Variants in ZNF587 observed in about 807,000 individuals in gnomAD.
ZNF587 encodes the protein zinc finger protein zfp6.
In ZNF587, 8 loss-of-function variants were observed where a neutral mutation model predicts 7.5. The ratio of observed to expected loss-of-function variants is 1.06; its 90% CI spans 0.62 to 1.92. ZNF587 has a LOEUF of 1.92. ZNF587 is among the 40% of genes most tolerant of loss of function. The pLI is 0.00. For synonymous variants in ZNF587, 145 were observed against 237.8 expected (o/e 0.61, Z 3.59); for missense variants, 468 against 692.8 (o/e 0.68, Z 3.64).
chr19:57,857,933 G>A (rs2071384148), intron 2 of ZNF587, among the ~76,000 whole-genome samples: 1 of 151,650 alleles, frequency 6.6e-6, no homozygotes, highest in Non-Finnish European at 1.5e-5. Flanking sequence ...ACCGTGCCCG[G>A]CCCATATTCT....
At chr19:57,850,097 C>G (rs757636292) in intron 1 of ZNF587, 26 bp downstream of exon 1, 1 of 1,614,136 alleles carries the variant, frequency 6.2e-7, no homozygotes, top group Non-Finnish European at 8.5e-7. Context: ...TCTGTGCCCT[C>G]AGGTCACCCC....
rs926400425 is a variant in ZNF587, at chr19:57,862,629, C to A, written c.*2489C>A. On this transcript the variant is annotated 3_prime_UTR_variant, in exon 3 of 3. Coordinates refer to ENST00000339656, the MANE Select transcript of ZNF587 (RefSeq NM_032828.4). ...GGTCACATGCCCATTTCCCCACTTG[C>A]ATGAATGTCGACACTGCAGCCACAG... 1.3e-5 allele frequency: 2 copies of A among 154,878 alleles called. No homozygotes were observed. The highest frequency in any genetic ancestry group is 6.5e-5 in the Admixed American group (1 of 15,276). The allele number at this position is 154,878 out of a possible 1,614,324, so 9.6% of individuals were successfully genotyped here.
intron 1 of ZNF587, chr19:57,850,550 C>T: frequency 2.3e-6 from 1 of 432,120 alleles, no homozygotes; most frequent in Non-Finnish European, 4.1e-6. Context: ...GCTGATCCAT[C>T]CAGTGCAGGA....
In ZNF587 at chr19:57,856,257, G is replaced by C. The variant is rs962814639; in HGVS notation, c.163+24G>C. The C allele has an allele frequency of 3.9e-6, 6 of 1,555,018 alleles. No individual in the cohort carries two copies. In the African/African-American group the frequency reaches 8.2e-5, roughly 21 times the overall value. ...GGGTAAGTTGCTCACGCTCACCTTT[G>C]TGACCTGAGCTAGTGTTACTGTTCC... On this transcript the variant is annotated intron_variant, in intron 2 of 2. Coordinates refer to ENST00000339656, the MANE Select transcript of ZNF587 (RefSeq NM_032828.4).
At chr19:57,852,008 T>C (rs2071287046) in intron 1 of ZNF587, 2 of 245,930 alleles carry the variant, frequency 8.1e-6, no homozygotes, top group Admixed American at 1.1e-4. Context: ...TGTCTGCCTT[T>C]CCCCTCAGGC....
chr19:57,851,805 T>A (rs1249765784), intron 1 of ZNF587: 1 of 152,246 alleles, frequency 6.6e-6, no homozygotes, highest in Non-Finnish European at 1.5e-5. Flanking sequence ...AGGAAGAACA[T>A]CATAGAGAGA....
At chr19:57,854,286 G>T (rs3855666) in intron 1 of ZNF587, among the ~76,000 whole-genome samples, 4,698 of 150,576 alleles carry the variant, frequency 0.031, 233 homozygotes, top group African/African-American at 0.1. Context: ...GTGAAATAGG[G>T]CCATGGCTAT....
intron 1 of ZNF587, among the ~76,000 whole-genome samples, chr19:57,852,575 G>A (rs1274626605): frequency 4.1e-5 from 6 of 145,522 alleles, no homozygotes; most frequent in Middle Eastern, 3.5e-3. Context: ...TGCCCAGGCT[G>A]GAGTGCAATG....
rs1292194652 is a variant in ZNF587, at chr19:57,864,359, C to T, written c.*4219C>T. On this transcript the variant is annotated 3_prime_UTR_variant, in exon 3 of 3. Transcript: ENST00000339656. ...ACGTTAGCCAGGCTGGTCTCAAACT[C>T]CTGACCTCATGATCCACCCCCCTCG... The T allele has an allele frequency of 1.3e-4, 19 of 151,728 alleles. No homozygotes were observed. The highest frequency in any genetic ancestry group is 7.8e-4 in the East Asian group (4 of 5,114). The allele number at this position is 151,728 out of a possible 1,614,324, so 9.4% of individuals were successfully genotyped here.
chr19:57,864,516 A>G lies in ZNF587; in HGVS notation c.*4376A>G, dbSNP rs540327528. ...AAATGTGAATAAGATTGTAAGTTAC[A>G]AATAGCAAGGTACAGTCAGATGTTA... On this transcript the variant is annotated 3_prime_UTR_variant, in exon 3 of 3. Coordinates refer to ENST00000339656, the MANE Select transcript of ZNF587 (RefSeq NM_032828.4). 6.6e-6 allele frequency: 1 copy of G among 152,200 alleles called. No individual in the cohort carries two copies. Among genetic ancestry groups the G allele is most frequent in the East Asian group, 1.9e-4 (1 of 5,176 alleles). The allele number at this position is 152,200 out of a possible 1,614,324, so 9.4% of individuals were successfully genotyped here.
intron 2 of ZNF587, 152 bp downstream of exon 2, chr19:57,856,385 G>GT: frequency 7.8e-7 from 1 of 1,276,794 alleles, no homozygotes; most frequent in Non-Finnish European, 1.0e-6. Context: ...GGAGTAAGGT[G>GT]TGTGTATTGC....
In ZNF587 at chr19:57,860,429, CA is replaced by C. The variant is rs903100931; in HGVS notation, c.*290del. The C allele has an allele frequency of 2.2e-6, 1 of 463,130 alleles. No homozygotes were observed. The highest frequency in any genetic ancestry group is 2.0e-5 in the African/African-American group (1 of 51,036). 28.7% of individuals were successfully genotyped at this position (463,130 alleles called of 1,614,324 possible). A position where few individuals can be genotyped will look rare whatever the true frequency, so the allele number is the denominator to read the frequency against. Reference sequence around the variant, plus strand: ...GATTATGAGTACACACCACCACGCCCAGCTAATTTTTGTGTTTTTAGTGGAG... The same window carrying C: ...GATTATGAGTACACACCACCACGCCCGCTAATTTTTGTGTTTTTAGTGGAG... On this transcript the variant is annotated 3_prime_UTR_variant, in exon 3 of 3. Transcript: ENST00000339656.
chr19:57,858,988 A>G lies in ZNF587; in HGVS notation c.576A>G (p.Val192=), dbSNP rs146198718. ...GATTGTGCCAAGAAGAAGCTGCTGT[A>G]GAGAAGACAGACAGTGAAACTATGC... is the stretch of plus-strand genomic sequence containing the variant. ...SSGLCQEEAA[V]EKTDSETMHG... The change falls in exon 3 of 3, where the codon GTA becomes GTG. Residue 192 remains valine, a synonymous_variant. Coordinates refer to ENST00000339656, the MANE Select transcript of ZNF587 (RefSeq NM_032828.4). 4.3e-6 allele frequency: 7 copies of G among 1,612,618 alleles called. No homozygotes were observed. The highest frequency in any genetic ancestry group is 4.0e-5 in the African/African-American group (3 of 74,142).
chr19:57,859,329 G>C lies in ZNF587; in HGVS notation c.917G>C (p.Ser306Thr). 6.2e-7 allele frequency: 1 copy of C among 1,605,146 alleles called. No individual in the cohort carries two copies. Among genetic ancestry groups the C allele is most frequent in the Non-Finnish European group, 8.5e-7 (1 of 1,177,006 alleles). The change falls in exon 3 of 3, where the codon AGT becomes ACT. Residue 306 changes from serine (S) to threonine (T), a missense_variant. Physicochemically the swap from Ser to Thr is moderately conservative, Grantham distance 58. Around this residue, in one of 5 missense-constraint regions of ZNF587, gnomAD observed 310 missense variants for 325.6 expected, o/e 0.95. Coordinates refer to ENST00000339656, the MANE Select transcript of ZNF587 (RefSeq NM_032828.4). ...TGTGAGGAGTGCGGGAAATCTTTTA[G>C]TCAGAAGGGCAGCCTTATTAGCCAT... Reference protein sequence around the residue: ...YPCEECGKSFSQKGSLISHQL... With the variant: ...YPCEECGKSFTQKGSLISHQL...
chr19:57,860,728 A>G lies in ZNF587; in HGVS notation c.*588A>G, dbSNP rs2071422709. 1 of 154,768 alleles carries G rather than the reference A, an allele frequency of 6.5e-6. No homozygotes were observed. The highest frequency in any genetic ancestry group is 1.4e-5 in the Non-Finnish European group (1 of 69,796). 9.6% of individuals were successfully genotyped at this position (154,768 alleles called of 1,614,324 possible). The stretch of plus-strand genomic sequence containing the variant: ...CCAGACCTCCTCTCTACAAAAAGAA[A>G]AAAGAATGACATGCTTCTTGTTTTT... On this transcript the variant is annotated 3_prime_UTR_variant, in exon 3 of 3. Transcript: ENST00000339656.
Position 57,861,777 on chromosome 19 carries a change from T to C in ZNF587, c.*1637T>C, listed in dbSNP as rs2071436190. On this transcript the variant is annotated 3_prime_UTR_variant, in exon 3 of 3. Transcript: ENST00000339656. ...CTGCAAGGAATATTTGGTTTTCTTT[T>C]TTTTTTTTTTTTCCAGATGGAGTCT... is the stretch of plus-strand genomic sequence containing the variant. The C allele has an allele frequency of 1.4e-5, 2 of 140,684 alleles. No homozygotes were observed. The highest frequency in any genetic ancestry group is 7.0e-5 in the Admixed American group (1 of 14,330). 8.7% of individuals were successfully genotyped at this position (140,684 alleles called of 1,614,324 possible).
chr19:57,860,285 T>A lies in ZNF587; in HGVS notation c.*145T>A. On this transcript the variant is annotated 3_prime_UTR_variant, in exon 3 of 3. Transcript: ENST00000339656. ...GTCCTCGGTCTTAAGCGACTTCGTG[T>A]TGAGATGGAGTCTTGTTCTGTCACC... is the stretch of plus-strand genomic sequence containing the variant. 4 of 1,483,532 alleles carry A rather than the reference T, an allele frequency of 2.7e-6. No homozygotes were observed. The highest frequency in any genetic ancestry group is 3.7e-6 in the Non-Finnish European group (4 of 1,085,420). The allele number at this position is 1,483,532 out of a possible 1,614,324, so 91.9% of individuals were successfully genotyped here. A position where few individuals can be genotyped will look rare whatever the true frequency, so the allele number is the denominator to read the frequency against.
chr19:57,859,667 T>C lies in ZNF587; in HGVS notation c.1255T>C (p.Tyr419His), dbSNP rs775376609. ...ECKECGKSFR[Y>H]RSHLTEHQRL... is the part of the protein sequence containing the mutation. ...CAAGGAATGTGGGAAATCATTTAGG[T>C]ACAGATCCCACCTCACTGAACACCA... Residue 419 changes from tyrosine (Y) to histidine (H), a missense_variant, in exon 3 of 3, where the codon TAC (tyrosine) becomes CAC (histidine). Around this residue, in one of 5 missense-constraint regions of ZNF587, gnomAD observed 310 missense variants for 325.6 expected, o/e 0.95. Coordinates refer to ENST00000339656, the MANE Select transcript of ZNF587 (RefSeq NM_032828.4). 2.5e-6 allele frequency: 4 copies of C among 1,613,428 alleles called. No individual in the cohort carries two copies. In the East Asian group the frequency reaches 8.9e-5, roughly 36 times the overall value.
Position 57,860,054 on chromosome 19 carries a change from T to A in ZNF587, c.1642T>A (p.Tyr548Asn), listed in dbSNP as rs545282171. ...GAGAATTCACACTGGAGAAAGGCCT[T>A]ATGAATGCACCAAATGTGGAAAAAC... is the stretch of plus-strand genomic sequence containing the variant. ...HRRIHTGERPYECTKCGKTFQ... is the reference protein window; with the variant it reads ...HRRIHTGERPNECTKCGKTFQ... Residue 548 changes from tyrosine (Y) to asparagine (N), a missense_variant, in exon 3 of 3, where the codon TAT becomes AAT. Physicochemically the swap from Tyr to Asn is moderately radical, Grantham distance 143. Around this residue, in one of 5 missense-constraint regions of ZNF587, gnomAD observed 310 missense variants for 325.6 expected, o/e 0.95. Transcript: ENST00000339656. 1.8e-4 allele frequency: 284 copies of A among 1,613,492 alleles called. No individual in the cohort carries two copies. Among genetic ancestry groups the A allele is most frequent in the Admixed American group, 8.0e-4 (48 of 59,986 alleles).
Sources: gnomAD v4.1 joint callset for allele counts (sites outside exome capture counted in the v4.1 genomes callset) on GRCh38, gnomAD v4.1.1 for gene constraint, gnomAD v4.1.1 regional missense constraint, MANE v1.5 for transcripts, NCBI Gene and HGNC (gene_info 2026-07-23, HGNC 2026-07-21) for gene names.